The following UBE2Q2 variants were observed in gnomAD, a reference collection of about 807,000 sequenced individuals.
The protein encoded by UBE2Q2 is ubiquitin conjugating enzyme E2 Q2.
UBE2Q2 carries 54 observed loss-of-function variants against 59.9 expected under a neutral mutation model. That is an observed-to-expected ratio of 0.90 (90% CI 0.72 to 1.13). The LOEUF is 1.13. Ranked by LOEUF, UBE2Q2 falls within the 50% of genes most tolerant of loss-of-function variation. The pLI is 0.00. For missense variants in UBE2Q2, 433 were observed against 441.9 expected (o/e 0.98, Z 0.18); for synonymous variants, 165 against 155.2 (o/e 1.06, Z -0.47).
At chr15:75,857,752 G>A (rs1347182454) in intron 2 of UBE2Q2, among the ~76,000 whole-genome samples, 8 of 135,414 alleles carry the variant, frequency 5.9e-5, no homozygotes, top group Non-Finnish European at 1.3e-4. Flanking sequence ...ATATTCTGTT[G>A]TAGGCAAAAA....
chr15:75,875,797 C>T (rs978445347), intron 5 of UBE2Q2, among the ~76,000 whole-genome samples: 2 of 152,016 alleles, frequency 1.3e-5, no homozygotes, highest in Non-Finnish European at 2.9e-5. Context: ...CACAGTGGCT[C>T]ATGCCTGTAA....
intron 11 of UBE2Q2, 90 bp from the exon 12 acceptor site, chr15:75,896,904 CT>C: frequency 1.4e-6 from 1 of 728,030 alleles, no homozygotes; most frequent in Non-Finnish European, 2.2e-6. Flanking sequence ...TTCCCATGTT[CT>C]TTTAAGCACA....
chr15:75,874,898 T>C (rs1001910752), intron 5 of UBE2Q2, among the ~76,000 whole-genome samples: 2 of 152,172 alleles, frequency 1.3e-5, no homozygotes, highest in Admixed American at 6.5e-5. Flanking sequence ...AAACAGGGAA[T>C]GAATTGTTAG....
chr15:75,885,968 T>C (rs1297084018), intron 9 of UBE2Q2, among the ~76,000 whole-genome samples: 3 of 151,544 alleles, frequency 2.0e-5, no homozygotes, highest in African/African-American at 7.3e-5. Flanking sequence ...AACACAAGAC[T>C]GAAAAATAGT....
chr15:75,850,004 A>C (rs1421640630), intron 1 of UBE2Q2, among the ~76,000 whole-genome samples: 1 of 152,242 alleles, frequency 6.6e-6, no homozygotes, highest in Non-Finnish European at 1.5e-5. Flanking sequence ...TCAAAATTAC[A>C]AAACTTAAAG....
chr15:75,892,563 G>A (rs750416255), intron 11 of UBE2Q2, among the ~76,000 whole-genome samples: 58 of 152,150 alleles, frequency 3.8e-4, no homozygotes, highest in Non-Finnish European at 7.5e-4. Context: ...AGAACTTACA[G>A]AAATTAAAAA....
intron 1 of UBE2Q2, 87 bp downstream of exon 1, chr15:75,843,933 G>C: frequency 1.4e-6 from 2 of 1,429,208 alleles, no homozygotes; most frequent in Non-Finnish European, 1.8e-6. Context: ...AGCCTGCCCC[G>C]GAGAGGCTCC....
At chr15:75,887,128 A>T (rs1898824249) in intron 9 of UBE2Q2, among the ~76,000 whole-genome samples, 2 of 152,174 alleles carry the variant, frequency 1.3e-5, no homozygotes, top group South Asian at 4.1e-4. Flanking sequence ...CTTGTGACCT[A>T]CTCAAATAAA....
intron 8 of UBE2Q2, among the ~76,000 whole-genome samples, chr15:75,880,917 T>A: frequency 6.6e-6 from 1 of 152,226 alleles, no homozygotes; most frequent in East Asian, 1.9e-4. Flanking sequence ...CGTAGCTTTT[T>A]TATGTGTGTG....
Position 75,899,700 on chromosome 15 carries a change from C to A in UBE2Q2, c.*242C>A. The A allele has an allele frequency of 3.7e-6, 1 of 272,354 alleles. No individual in the cohort carries two copies. Among genetic ancestry groups the A allele is most frequent in the South Asian group, 9.3e-5 (1 of 10,802 alleles). 16.9% of individuals were successfully genotyped at this position (272,354 alleles called of 1,614,324 possible). ...GTATTTTTCCTGATAAATACACATA[C>A]TGGCCACTCCTTATCTCTTTTTCTT... On this transcript the variant is annotated 3_prime_UTR_variant, in exon 13 of 13. Transcript: ENST00000267938.
intron 8 of UBE2Q2, among the ~76,000 whole-genome samples, chr15:75,880,844 A>C (rs1898369717): frequency 6.6e-6 from 1 of 152,186 alleles, no homozygotes; most frequent in South Asian, 2.1e-4. Flanking sequence ...AGATATTTTG[A>C]TGGAAAAAGC....
chr15:75,889,295 G>A (rs146982924), intron 9 of UBE2Q2, among the ~76,000 whole-genome samples: 37 of 152,236 alleles, frequency 2.4e-4, no homozygotes, highest in African/African-American at 7.7e-4. Flanking sequence ...CCCAGGGTTT[G>A]GGCAAAGCAA....
chr15:75,897,086 AT>A, intron 12 of UBE2Q2, 25 bp downstream of exon 12: 1 of 1,428,712 alleles, frequency 7.0e-7, no homozygotes, highest in South Asian at 1.4e-5. Flanking sequence ...ATAAGTGTTT[AT>A]TGCCATTTAA....
At chr15:75,856,139 A>G (rs1416503980) in intron 2 of UBE2Q2, among the ~76,000 whole-genome samples, 3 of 151,766 alleles carry the variant, frequency 2.0e-5, no homozygotes, top group African/African-American at 7.3e-5. Flanking sequence ...GTAAGCCTAG[A>G]TTGTGCCTCT....
At chr15:75,856,829 A>G (rs1455397857) in intron 2 of UBE2Q2, among the ~76,000 whole-genome samples, 1 of 152,014 alleles carries the variant, frequency 6.6e-6, no homozygotes, top group Non-Finnish European at 1.5e-5. Flanking sequence ...CTGTGATCCC[A>G]GCTACTTGGA....
chr15:75,891,085 C>A lies in UBE2Q2; in HGVS notation c.1029+71C>A. The A allele has an allele frequency of 4.2e-6, 5 of 1,194,582 alleles. No individual in the cohort carries two copies. In the South Asian group the frequency reaches 7.7e-5, roughly 18 times the overall value. 74.0% of individuals were successfully genotyped at this position (1,194,582 alleles called of 1,614,324 possible). The stretch of plus-strand genomic sequence containing the variant: ...ATTACTTTATAAGCTTTCTTCCTGT[C>A]TTGACTTAATTCTTTTTTGAGATAG... On this transcript the variant is annotated intron_variant, in intron 11 of 12. Transcript: ENST00000267938.
chr15:75,884,802 C>T (rs1898663663), intron 9 of UBE2Q2, among the ~76,000 whole-genome samples: 1 of 151,988 alleles, frequency 6.6e-6, no homozygotes, highest in Admixed American at 6.6e-5. Flanking sequence ...TGGGATGCCA[C>T]CATGCCCAGC....
chr15:75,861,332 A>G (rs1224810931), intron 3 of UBE2Q2, among the ~76,000 whole-genome samples: 1 of 152,214 alleles, frequency 6.6e-6, no homozygotes, highest in African/African-American at 2.4e-5. Context: ...GTGGTGGTGA[A>G]GCCTCATGGC....
intron 1 of UBE2Q2, chr15:75,844,251 G>T (rs1896195472): frequency 4.7e-6 from 7 of 1,505,080 alleles, no homozygotes; most frequent in Non-Finnish European, 6.2e-6. Flanking sequence ...CCGGCAAGGG[G>T]AACGGCCCTT....
Sources: gnomAD v4.1 joint callset for allele counts (sites outside exome capture counted in the v4.1 genomes callset) on GRCh38, gnomAD v4.1.1 for gene constraint, MANE v1.5 for transcripts, NCBI Gene and HGNC (gene_info 2026-07-23, HGNC 2026-07-21) for gene names.